Variants in ASPA observed in about 807,000 individuals in gnomAD.
The protein encoded by ASPA is aspartoacylase, also known as ACY-2.
A neutral mutation model predicts 29.6 loss-of-function variants in ASPA; 25 were observed. The ratio of observed to expected loss-of-function variants is 0.85; its 90% confidence interval spans 0.62 to 1.18. The LOEUF (loss-of-function observed/expected upper bound fraction) is 1.18. Among genes scored for constraint, ASPA ranks in the 50% most tolerant of loss-of-function variants. ASPA has a pLI of 0.00. For missense variants in ASPA, 333 were observed against 385.7 expected, an observed-to-expected ratio of 0.86 and a Z score of 1.14; for synonymous variants, 131 against 130.3, an observed-to-expected ratio of 1.01 and a Z score of -0.04.
intron 1 of ASPA, among the ~76,000 whole-genome samples, chr17:3,480,592 A>G (rs987174591): frequency 6.6e-6 from 1 of 152,358 alleles, no homozygotes; most frequent in Non-Finnish European, 1.5e-5. Flanking sequence ...TAGTGATGTT[A>G]TCCCCAGGAG....
chr17:3,493,764 C>T (rs528982151), intron 4 of ASPA, among the ~76,000 whole-genome samples: 10 of 151,982 alleles, frequency 6.6e-5, no homozygotes, highest in African/African-American at 2.4e-4. Context: ...GGCCGCATAG[C>T]CAGGGGATTA....
At chr17:3,496,171 T>C (rs1597447423) in intron 5 of ASPA, among the ~76,000 whole-genome samples, 7 of 152,276 alleles carry the variant, frequency 4.6e-5, no homozygotes, top group Admixed American at 2.6e-4. Context: ...GAGGGATTGA[T>C]TGGTTAATTC....
At chr17:3,497,333 A>T (rs909448884) in intron 5 of ASPA, among the ~76,000 whole-genome samples, 3 of 152,206 alleles carry the variant, frequency 2.0e-5, no homozygotes, top group Non-Finnish European at 4.4e-5. Context: ...CCTGTAAATC[A>T]TCTGGGGCCT....
chr17:3,482,882 C>T (rs34109510), intron 2 of ASPA, among the ~76,000 whole-genome samples: 59,229 of 146,742 alleles, frequency 0.4, 14,033 homozygotes, highest in Non-Finnish European at 0.56. Flanking sequence ...GTTGGTGTGC[C>T]GCACCCATTA....
chr17:3,475,582 C>T (rs3829957), upstream of ASPA: 34,303 of 153,292 alleles, frequency 0.22, 4,231 homozygotes, highest in East Asian at 0.45. Flanking sequence ...GAATGGGCGC[C>T]GGTTCAAGAG....
At chr17:3,483,292 T>C (rs1424862465) in intron 2 of ASPA, among the ~76,000 whole-genome samples, 1 of 152,182 alleles carries the variant, frequency 6.6e-6, no homozygotes, top group Admixed American at 6.5e-5. Context: ...ACTGTATAAT[T>C]CAATTGTATA....
chr17:3,479,005 C>A (rs1441970788), intron 1 of ASPA, among the ~76,000 whole-genome samples: 1 of 152,202 alleles, frequency 6.6e-6, no homozygotes, highest in African/African-American at 2.4e-5. Flanking sequence ...TAAAGGGTCT[C>A]TCTGCATCCA....
intron 1 of ASPA, among the ~76,000 whole-genome samples, chr17:3,479,721 G>A (rs907346845): frequency 6.6e-6 from 1 of 152,060 alleles, no homozygotes; most frequent in Admixed American, 6.6e-5. Flanking sequence ...TTGCTTCAAA[G>A]TCACAAAATA....
intron 2 of ASPA, among the ~76,000 whole-genome samples, chr17:3,482,829 G>A (rs1442032268): frequency 8.3e-6 from 1 of 120,120 alleles, no homozygotes; most frequent in Non-Finnish European, 2.2e-5. Context: ...TAGGGTACAT[G>A]TGCACCATGT....
chr17:3,476,503 A>ATACGAC, intron 1 of ASPA, 108 bp downstream of exon 1: 1 of 1,000,286 alleles, frequency 1.0e-6, no homozygotes. Flanking sequence ...ATGTCCGTAC[A>ATACGAC]TGCAGTCGTA....
chr17:3,481,867 G>C (rs973066952), intron 2 of ASPA, 69 bp downstream of exon 2: 1 of 1,372,468 alleles, frequency 7.3e-7, no homozygotes, highest in African/African-American at 1.4e-5. Context: ...ATGGATGTGA[G>C]ACAATCAGAA....
chr17:3,479,714 C>T (rs1260832274), intron 1 of ASPA, among the ~76,000 whole-genome samples: 1 of 152,072 alleles, frequency 6.6e-6, no homozygotes, highest in Non-Finnish European at 1.5e-5. Flanking sequence ...ATGGTTTTTG[C>T]TTCAAAGTCA....
chr17:3,499,915 T>G lies in ASPA; in HGVS notation c.*827T>G, dbSNP rs1053333371. ...AGGCTGAAAGCTAGGCCTCTTGCAC[T>G]GGTTAGCCAAGTTGTGAATTCAAAG... On this transcript the variant is annotated 3_prime_UTR_variant, in exon 6 of 6. Coordinates refer to ENST00000263080, the MANE Select transcript of ASPA (RefSeq NM_000049.4). 1.3e-5 allele frequency: 2 copies of G among 152,242 alleles called. No individual in the cohort carries two copies. Among genetic ancestry groups the G allele is most frequent in the African/African-American group, 4.8e-5 (2 of 41,464 alleles). 9.4% of individuals were successfully genotyped at this position (152,242 alleles called of 1,614,324 possible). A position where few individuals can be genotyped will look rare whatever the true frequency, so the allele number is the denominator to read the frequency against.
At chr17:3,480,513 G>A (rs1485485034) in intron 1 of ASPA, among the ~76,000 whole-genome samples, 3 of 152,214 alleles carry the variant, frequency 2.0e-5, no homozygotes, top group Non-Finnish European at 4.4e-5. Context: ...TATCCATCTG[G>A]GTGGTGCCAG....
chr17:3,481,729 C>T lies in ASPA; in HGVS notation c.363C>T (p.Asn121=), dbSNP rs1433835279. 6.2e-7 allele frequency: 1 copy of T among 1,613,718 alleles called. No homozygotes were observed. The highest frequency in any genetic ancestry group is 8.5e-7 in the Non-Finnish European group (1 of 1,179,768). Reference sequence around the variant, plus strand: ...TTGACCTTCACAACACCACCTCTAACATGGGGTGCACTCTTATTCTTGAGG... The same window carrying T: ...TTGACCTTCACAACACCACCTCTAATATGGGGTGCACTCTTATTCTTGAGG... ...IIFDLHNTTS[N]MGCTLILEDS... The change falls in exon 2 of 6, where the codon AAC becomes AAT. Residue 121 remains asparagine, a synonymous_variant. Coordinates refer to ENST00000263080, the MANE Select transcript of ASPA (RefSeq NM_000049.4).
rs1426479525 is a variant in ASPA, at chr17:3,499,864, A to G, written c.*776A>G. ...CATACTTCTAGAAATTAAGCTTAGT[A>G]AGGAAGGCATGTCAAAAGCTGAGAC... On this transcript the variant is annotated 3_prime_UTR_variant, in exon 6 of 6. Transcript: ENST00000263080. 6.6e-6 allele frequency: 1 copy of G among 152,248 alleles called. No homozygotes were observed. The allele number at this position is 152,248 out of a possible 1,614,324, so 9.4% of individuals were successfully genotyped here.
At position 3,476,236 on chromosome 17, in the gene ASPA, C is replaced by A. The variant is rs1480068143; in HGVS notation, c.77C>A (p.Thr26Asn). The change falls in exon 1 of 6, where the codon ACC becomes AAC. Residue 26 changes from threonine to asparagine, a missense_variant. By Grantham distance (65) the Thr-to-Asn change is moderately conservative. Transcript: ENST00000263080. ...IFGGTHGNELTGVFLVKHWLE... is the reference protein window; with the variant it reads ...IFGGTHGNELNGVFLVKHWLE... ...GGAGGAACCCATGGGAATGAGCTAA[C>A]CGGAGTATTTCTGGTTAAGCATTGG... 1.2e-6 allele frequency: 2 copies of A among 1,614,146 alleles called. No homozygotes were observed. Among genetic ancestry groups the A allele is most frequent in the African/African-American group, 1.3e-5 (1 of 75,052 alleles).
Position 3,489,250 on chromosome 17 carries a change from C to G in ASPA, c.542C>G (p.Pro181Arg), listed in dbSNP as rs1335267315. 3 of 1,611,876 alleles carry G rather than the reference C, an allele frequency of 1.9e-6. No homozygotes were observed. The highest frequency in any genetic ancestry group is 2.2e-5 in the East Asian group (1 of 44,814). ...CTGTACCTAGGTATAGAAGTTGGTC[C>G]TCAGCCTCAAGGGGTTCTGAGAGCT... ...AKYPVGIEVG[P>R]QPQGVLRADI... The change falls in exon 4 of 6, where the codon CCT becomes CGT. Residue 181 changes from proline (P) to arginine (R), a missense_variant. Physicochemically the swap from Pro to Arg is moderately radical, Grantham distance 103. Coordinates refer to ENST00000263080, the MANE Select transcript of ASPA (RefSeq NM_000049.4).
At chr17:3,476,869 G>A (rs1227463260) in intron 1 of ASPA, among the ~76,000 whole-genome samples, 1 of 152,208 alleles carries the variant, frequency 6.6e-6, no homozygotes, top group Non-Finnish European at 1.5e-5. Context: ...TTTGTTGAAT[G>A]AAAGCGTGAT....
Sources: allele counts gnomAD v4.1 joint callset (sites outside exome capture counted in the v4.1 genomes callset), GRCh38; gene constraint gnomAD v4.1.1; transcripts MANE v1.5; gene names NCBI Gene and HGNC (gene_info 2026-07-23, HGNC 2026-07-21).